ITGB3: variants seen among roughly 807,000 people sequenced by gnomAD.
ITGB3 encodes the protein integrin beta-3.
A neutral mutation model predicts 85.8 loss-of-function variants in ITGB3; 48 were observed. That is an observed-to-expected ratio of 0.56 (90% CI 0.44 to 0.71). ITGB3 has a LOEUF of 0.71. Ranked by LOEUF, ITGB3 falls within the 30% of genes least tolerant of loss-of-function variation. ITGB3 has a pLI of 0.00. For missense variants in ITGB3, 861 were observed against 1,019.1 expected, an observed-to-expected ratio of 0.84 and a Z score of 2.11; for synonymous variants, 363 against 395.6, an observed-to-expected ratio of 0.92 and a Z score of 0.98.
chr17:47,298,358 C>T (rs1445118860), intron 10 of ITGB3, among the ~76,000 whole-genome samples: 1 of 152,150 alleles, frequency 6.6e-6, no homozygotes, highest in Non-Finnish European at 1.5e-5. Context: ...TGTTTAACTG[C>T]ACTGGCCCTC....
chr17:47,309,830 A>T (rs1400057141), intron 14 of ITGB3, among the ~76,000 whole-genome samples: 2 of 142,356 alleles, frequency 1.4e-5, no homozygotes, highest in Admixed American at 1.5e-4. Flanking sequence ...GGGGAGGTGG[A>T]GGTTTCAGTA....
chr17:47,289,904 C>G (rs2065118698), intron 7 of ITGB3, 128 bp downstream of exon 7: 3 of 759,262 alleles, frequency 4.0e-6, no homozygotes, highest in Admixed American at 3.9e-5. Context: ...TCCCCAGGAG[C>G]TAAAGATTGC....
intron 2 of ITGB3, among the ~76,000 whole-genome samples, chr17:47,281,414 C>T (rs779807782): frequency 2.6e-5 from 4 of 152,144 alleles, no homozygotes; most frequent in Admixed American, 2.0e-4. Context: ...ATGTCAGAGC[C>T]GGAAGGGACT....
At chr17:47,254,880 A>C (rs1283662235) in intron 1 of ITGB3, among the ~76,000 whole-genome samples, 2 of 152,242 alleles carry the variant, frequency 1.3e-5, no homozygotes, top group Admixed American at 1.3e-4. Context: ...AGAGGATGAC[A>C]CAAGAGTGCA....
chr17:47,295,951 CT>C (rs1415097907), intron 10 of ITGB3, among the ~76,000 whole-genome samples: 1 of 152,224 alleles, frequency 6.6e-6, no homozygotes, highest in Non-Finnish European at 1.5e-5. Flanking sequence ...AGGCTAGACT[CT>C]TCGCCTCAGG....
Position 47,307,468 on chromosome 17 carries a change from CAG to C in ITGB3, c.2135_2136del, listed in dbSNP as rs768881769. The C allele has an allele frequency of 1.2e-6, 2 of 1,613,914 alleles. No individual in the cohort carries two copies. Among genetic ancestry groups the C allele is most frequent in the Admixed American group, 1.7e-5 (1 of 60,024 alleles). ...CGCCCTGCTCTGTGCTTCTTCCTCA[CAG>C]AGTGTCCCAAGGGCCCTGACATCCT... is the stretch of plus-strand genomic sequence containing the variant. On this transcript the variant is annotated splice_acceptor_variant, in intron 13 of 14. Coordinates refer to ENST00000559488, the MANE Select transcript of ITGB3 (RefSeq NM_000212.3). LOFTEE classifies it high-confidence loss of function.
chr17:47,267,401 A>G (rs2065029304), intron 1 of ITGB3, among the ~76,000 whole-genome samples: 2 of 152,194 alleles, frequency 1.3e-5, no homozygotes, highest in African/African-American at 4.8e-5. Context: ...CAGAGGCCCA[A>G]ACTCCTTCCA....
intron 13 of ITGB3, among the ~76,000 whole-genome samples, chr17:47,303,097 A>G (rs1389759010): frequency 6.6e-6 from 1 of 151,994 alleles, no homozygotes; most frequent in Non-Finnish European, 1.5e-5. Context: ...AAAATACAAA[A>G]ACATTAGCCG....
At chr17:47,297,952 C>T (rs1403038574) in intron 10 of ITGB3, among the ~76,000 whole-genome samples, 1 of 151,228 alleles carries the variant, frequency 6.6e-6, no homozygotes, top group Non-Finnish European at 1.5e-5. Flanking sequence ...ATATTAAATG[C>T]CTCCTTGGTT....
chr17:47,254,287 G>A (rs1450556820), intron 1 of ITGB3, among the ~76,000 whole-genome samples: 3 of 151,992 alleles, frequency 2.0e-5, no homozygotes, highest in Non-Finnish European at 4.4e-5. Context: ...TCCTGGTCGG[G>A]CCAAGGACGA....
chr17:47,302,503 G>T (rs1167649177), intron 12 of ITGB3, among the ~76,000 whole-genome samples: 1 of 152,288 alleles, frequency 6.6e-6, no homozygotes, highest in East Asian at 1.9e-4. Context: ...GGAAGGATTA[G>T]GAACCAAAAA....
In ITGB3 at chr17:47,297,312, G is replaced by C. The variant is rs570427275; in HGVS notation, c.1691-1996G>C. Among the ~76,000 whole-genome samples the C allele has an allele frequency of 3.7e-4, 57 of 152,252 alleles. No individual in the cohort carries two copies. In the South Asian group the frequency reaches 1.0e-2, roughly 27 times the overall value. ...CTTGGGAAAGTTACTTAACCTCTCT[G>C]ACCTCAAAGGGTTGTTATAACAAAT... On this transcript the variant is annotated intron_variant, in intron 10 of 14. Transcript: ENST00000559488.
chr17:47,286,966 C>A, intron 5 of ITGB3, 104 bp from the exon 6 acceptor site: 1 of 1,181,794 alleles, frequency 8.5e-7, no homozygotes, highest in Non-Finnish European at 1.2e-6. Flanking sequence ...AATAAGCTGT[C>A]CAGCCCTTTA....
chr17:47,270,355 G>A (rs915240390), intron 1 of ITGB3, among the ~76,000 whole-genome samples: 2 of 152,150 alleles, frequency 1.3e-5, no homozygotes, highest in African/African-American at 4.8e-5. Flanking sequence ...AGAAAGGGAG[G>A]GAGATACTTA....
intron 1 of ITGB3, among the ~76,000 whole-genome samples, 163 bp from the exon 2 acceptor site, chr17:47,274,256 A>T (rs1038020108): frequency 5.9e-5 from 9 of 152,016 alleles, no homozygotes; most frequent in Non-Finnish European, 1.2e-4. Flanking sequence ...CTTCTTCCTA[A>T]CCAATAACCT....
At chr17:47,267,064 T>C (rs1322208462) in intron 1 of ITGB3, among the ~76,000 whole-genome samples, 1 of 152,142 alleles carries the variant, frequency 6.6e-6, no homozygotes, top group Non-Finnish European at 1.5e-5. Context: ...CCTAAACAAT[T>C]TGAGACTCAG....
At chr17:47,304,248 C>G (rs1481889942) in intron 13 of ITGB3, among the ~76,000 whole-genome samples, 1 of 152,232 alleles carries the variant, frequency 6.6e-6, no homozygotes, top group Non-Finnish European at 1.5e-5. Flanking sequence ...CTGCTCATCT[C>G]CCAGCTCCAA....
Position 47,299,440 on chromosome 17 carries a change from A to T in ITGB3, c.1823A>T (p.Glu608Val), listed in dbSNP as rs1396050570. 1.2e-6 allele frequency: 2 copies of T among 1,614,248 alleles called. No homozygotes were observed. Among genetic ancestry groups the T allele is most frequent in the East Asian group, 4.5e-5 (2 of 44,886 alleles). Residue 608 changes from glutamate to valine, a missense_variant, in exon 11 of 15, where the codon GAA becomes GTA. Transcript: ENST00000559488. The surrounding 1 kb of genome is among the most constrained non-coding windows in gnomAD (Gnocchi z 5.1). ...GLLCSGRGKC[E>V]CGSCVCIQPG... The stretch of plus-strand genomic sequence containing the variant: ...CTGTGCAGCGGCCGCGGCAAGTGTG[A>T]ATGTGGCAGCTGTGTCTGTATCCAG...
At chr17:47,296,486 G>A (rs937389018) in intron 10 of ITGB3, among the ~76,000 whole-genome samples, 3 of 152,124 alleles carry the variant, frequency 2.0e-5, no homozygotes, top group Admixed American at 6.6e-5. Context: ...AATCTGCCTC[G>A]GCCTCCCAGA....
Sources: gnomAD v4.1 joint callset for allele counts (sites outside exome capture counted in the v4.1 genomes callset) on GRCh38, gnomAD v4.1.1 for gene constraint, Gnocchi (gnomAD v3.1) non-coding constraint, MANE v1.5 for transcripts, NCBI Gene and HGNC (gene_info 2026-07-23, HGNC 2026-07-21) for gene names.